GRID1: variants seen among roughly 807,000 people sequenced by gnomAD.
GRID1 encodes glutamate ionotropic receptor delta type subunit 1.
A neutral mutation model predicts 98.0 loss-of-function variants in GRID1; 28 were observed. That is an observed-to-expected ratio of 0.29 (90% CI 0.21 to 0.39). GRID1 has a LOEUF of 0.39. Ranked by LOEUF, GRID1 falls within the 10% of genes least tolerant of loss-of-function variation. GRID1 has a pLI of 1.00. For synonymous variants in GRID1, 553 were observed against 538.5 expected, an observed-to-expected ratio of 1.03 and a Z score of -0.37; for missense variants, 1,111 against 1,340.5, an observed-to-expected ratio of 0.83 and a Z score of 2.67.
At chr10:86,305,977 C>T (rs954632712) in intron 2 of GRID1, among the ~76,000 whole-genome samples, 6 of 152,194 alleles carry the variant, frequency 3.9e-5, no homozygotes, top group African/African-American at 7.2e-5. Context: ...AGCCCAATTC[C>T]GCCCACCATA....
chr10:85,938,771 C>T (rs1815557939), intron 4 of GRID1, among the ~76,000 whole-genome samples: 1 of 152,198 alleles, frequency 6.6e-6, no homozygotes, highest in South Asian at 2.1e-4. Flanking sequence ...TTTGGCCAGC[C>T]TCTAGCTGGG....
At chr10:86,062,061 A>T (rs1453784810) in intron 4 of GRID1, among the ~76,000 whole-genome samples, 1 of 152,198 alleles carries the variant, frequency 6.6e-6, no homozygotes, top group African/African-American at 2.4e-5. Context: ...CAGTCTGCAG[A>T]TGAGCCCACC....
intron 5 of GRID1, among the ~76,000 whole-genome samples, chr10:85,878,302 C>G (rs1346806426): frequency 6.6e-6 from 1 of 151,902 alleles, no homozygotes; most frequent in Non-Finnish European, 1.5e-5. Context: ...AAGAGCAACT[C>G]CAAGACACAT....
In GRID1 at chr10:86,261,129, C is replaced by T. The variant is rs548799076; in HGVS notation, c.236-54481G>A. On this transcript the variant is annotated intron_variant, in intron 2 of 15. Coordinates refer to ENST00000327946, the MANE Select transcript of GRID1 (RefSeq NM_017551.3). ...CCAGGTTCTATGCTTGGTGCTTCCT[C>T]CCCACAACCCTGGGAGGTGGTACTA... Among the ~76,000 whole-genome samples the T allele has an allele frequency of 4.6e-5, 7 of 152,338 alleles. No homozygotes were observed. In the South Asian group the frequency reaches 1.5e-3, roughly 32 times the overall value.
At chr10:85,695,958 C>A (rs1479936254) in intron 12 of GRID1, among the ~76,000 whole-genome samples, 1 of 152,154 alleles carries the variant, frequency 6.6e-6, no homozygotes, top group African/African-American at 2.4e-5. Context: ...GTTTATTCAT[C>A]TTCAGACATG....
intron 4 of GRID1, among the ~76,000 whole-genome samples, chr10:85,974,659 T>G (rs1031489766): frequency 2.0e-5 from 3 of 152,230 alleles, no homozygotes; most frequent in African/African-American, 7.2e-5. Flanking sequence ...GCAGCACTAA[T>G]GAAATAGTGA....
intron 2 of GRID1, among the ~76,000 whole-genome samples, chr10:86,347,200 C>G (rs1280440260): frequency 6.6e-6 from 1 of 152,072 alleles, no homozygotes; most frequent in Non-Finnish European, 1.5e-5. Context: ...CTCTCCGGAA[C>G]AACTGTCACC....
intron 4 of GRID1, among the ~76,000 whole-genome samples, chr10:86,107,080 A>G (rs1489778988): frequency 6.6e-6 from 1 of 152,174 alleles, no homozygotes; most frequent in Admixed American, 6.5e-5. Flanking sequence ...CAAGTCTAGG[A>G]AAAGGAAGCT....
At chr10:86,042,880 G>A (rs1467837453) in intron 4 of GRID1, among the ~76,000 whole-genome samples, 3 of 152,170 alleles carry the variant, frequency 2.0e-5, no homozygotes, top group African/African-American at 7.2e-5. Context: ...GAGCCCAGGA[G>A]TTCAAGATCA....
chr10:85,882,557 A>G lies in GRID1; in HGVS notation c.781-13377T>C, dbSNP rs61855971. Among the ~76,000 whole-genome samples, 438 of 152,102 alleles carry G rather than the reference A, an allele frequency of 2.9e-3. 2 individuals are homozygous for G. The highest frequency in any genetic ancestry group is 7.5e-3 in the South Asian group (36 of 4,814). On this transcript the variant is annotated intron_variant, in intron 5 of 15. Coordinates refer to ENST00000327946, the MANE Select transcript of GRID1 (RefSeq NM_017551.3). ...AAACACCGCATGTTCTCACTCATAG[A>G]TGGGAATTGAACAATGAGAACACAT...
intron 2 of GRID1, among the ~76,000 whole-genome samples, chr10:86,293,193 C>T (rs962486445): frequency 6.6e-6 from 1 of 152,218 alleles, no homozygotes; most frequent in Admixed American, 6.5e-5. Flanking sequence ...CCTTTCCCAG[C>T]TTTGTTATCA....
chr10:85,627,236 G>T (rs1013855473), intron 13 of GRID1, among the ~76,000 whole-genome samples: 2 of 152,192 alleles, frequency 1.3e-5, no homozygotes, highest in Admixed American at 6.5e-5. Flanking sequence ...CTAGCTCCAC[G>T]CTTGCTGCCT....
rs148419338 is a variant in GRID1, at chr10:86,338,003, T to C, written c.235+25938A>G. On this transcript the variant is annotated intron_variant, in intron 2 of 15. Coordinates refer to ENST00000327946, the MANE Select transcript of GRID1 (RefSeq NM_017551.3). Reference sequence around the variant, plus strand: ...GATTACAGGCGTGAGCCACCGTACCTGGCCTGGAACTTCTTTCTAATTCCA... The same window carrying C: ...GATTACAGGCGTGAGCCACCGTACCCGGCCTGGAACTTCTTTCTAATTCCA... Among the ~76,000 whole-genome samples the C allele has an allele frequency of 5.2e-3, 797 of 152,334 alleles. 4 individuals are homozygous for C. Among genetic ancestry groups the C allele is most frequent in the African/African-American group, 0.012 (496 of 41,580 alleles).
intron 10 of GRID1, 34 bp from the exon 11 acceptor site, chr10:85,724,710 T>A: frequency 6.4e-7 from 1 of 1,560,062 alleles, no homozygotes; most frequent in Non-Finnish European, 8.7e-7. Flanking sequence ...TAGACGGCAG[T>A]CCTCAGCTTA....
intron 13 of GRID1, among the ~76,000 whole-genome samples, chr10:85,631,626 C>T (rs574306626): frequency 6.6e-6 from 1 of 152,226 alleles, no homozygotes; most frequent in East Asian, 1.9e-4. Context: ...ACACTATCAA[C>T]AAAACTAGGG....
At chr10:85,830,797 AAAAAT>A (rs1178198437) in intron 8 of GRID1, among the ~76,000 whole-genome samples, 6 of 152,214 alleles carry the variant, frequency 3.9e-5, no homozygotes, top group African/African-American at 1.4e-4. Flanking sequence ...GCTATTATTA[AAAAAT>A]AAAATAATAA....
At chr10:85,820,023 AAGGAAGGC>A (rs71016111) in intron 8 of GRID1, among the ~76,000 whole-genome samples, 1,182 of 89,438 alleles carry the variant, frequency 0.013, 6 homozygotes, top group East Asian at 0.035. Context: ...GGAAGGAAGG[AAGGAAGGC>A]AGGCAGGCAG....
chr10:85,967,148 GC>G (rs932866196), intron 4 of GRID1, among the ~76,000 whole-genome samples: 2 of 152,148 alleles, frequency 1.3e-5, no homozygotes, highest in Non-Finnish European at 2.9e-5. Context: ...TGATTGTGAG[GC>G]CTCCCCAGCC....
intron 2 of GRID1, among the ~76,000 whole-genome samples, chr10:86,295,814 G>C (rs2814316): frequency 6.6e-6 from 1 of 152,174 alleles, no homozygotes; most frequent in Non-Finnish European, 1.5e-5. Context: ...AAAGGACCAG[G>C]AGGAAGACAC....
Sources: allele counts gnomAD v4.1 joint callset (sites outside exome capture counted in the v4.1 genomes callset), GRCh38; gene constraint gnomAD v4.1.1; transcripts MANE v1.5; gene names NCBI Gene and HGNC (gene_info 2026-07-23, HGNC 2026-07-21).